ZNF653: variants seen among roughly 807,000 people sequenced by gnomAD.
ZNF653 encodes 67 kDa zinc finger protein.
A neutral mutation model predicts 59.9 loss-of-function variants in ZNF653; 37 were observed. The ratio of observed to expected loss-of-function variants is 0.62; its 90% confidence interval spans 0.48 to 0.81. The LOEUF is 0.81. Among genes scored for constraint, ZNF653 ranks in the 40% least tolerant of loss-of-function variants. The pLI is 0.00. For missense variants in ZNF653, 808 were observed against 881.1 expected (o/e 0.92, Z 1.05); for synonymous variants, 435 against 371.8 (o/e 1.17, Z -1.96).
Position 11,505,739 on chromosome 19 carries a change from C to G in ZNF653, c.48G>C (p.Ala16=), listed in dbSNP as rs1368855121. Residue 16 remains alanine, a synonymous_variant, in exon 1 of 9, where the codon GCG becomes GCC. Coordinates refer to ENST00000293771, the MANE Select transcript of ZNF653 (RefSeq NM_138783.4). ...CGGCTGCTGCCTCCCCGCCCGCGCCCGCCTCAGCCTCCGCCTCCGCCTCGG... is the reference window on the plus strand; with the variant it reads ...CGGCTGCTGCCTCCCCGCCCGCGCCGGCCTCAGCCTCCGCCTCCGCCTCGG... ...LEPEAEAEAE[A]GAGGEAAAEE... 2.1e-5 allele frequency: 30 copies of G among 1,449,314 alleles called. No individual in the cohort carries two copies. Among genetic ancestry groups the G allele is most frequent in the Non-Finnish European group, 2.4e-5 (27 of 1,111,322 alleles). 89.8% of individuals were successfully genotyped at this position (1,449,314 alleles called of 1,614,324 possible).
intron 7 of ZNF653, among the ~76,000 whole-genome samples, chr19:11,484,770 T>C (rs1971447412): frequency 1.3e-5 from 2 of 151,930 alleles, no homozygotes; most frequent in South Asian, 4.2e-4. Context: ...AAAAAACTTC[T>C]GCCCAGCACG....
In ZNF653 at chr19:11,487,463, C is replaced by G. The variant is rs549003396; in HGVS notation, c.1000G>C (p.Gly334Arg). 3 of 1,613,236 alleles carry G rather than the reference C, an allele frequency of 1.9e-6. No homozygotes were observed. The African/African-American group carries it at 4.0e-5, about 21-fold the overall frequency. ...GPGYDALTAE[G>R]IHLNMAAGSG... ...CCTGCTGCCATGTTGAGGTGAATGCCCTCGGCCGTGAGAGCGTCGTAACCA... is the reference window on the plus strand; with the variant it reads ...CCTGCTGCCATGTTGAGGTGAATGCGCTCGGCCGTGAGAGCGTCGTAACCA... Residue 334 changes from glycine to arginine, a missense_variant, in exon 4 of 9, where the codon GGC (glycine) becomes CGC (arginine). Coordinates refer to ENST00000293771, the MANE Select transcript of ZNF653 (RefSeq NM_138783.4). This position sits in a 1 kb window ranked among gnomAD's most constrained non-coding sequence, Gnocchi z 5.1.
intron 3 of ZNF653, among the ~76,000 whole-genome samples, chr19:11,488,786 T>C (rs1014608406): frequency 3.3e-5 from 5 of 151,236 alleles, no homozygotes; most frequent in African/African-American, 1.2e-4. Flanking sequence ...TTAGTAGAGA[T>C]GGAGTTTCAC....
intron 7 of ZNF653, among the ~76,000 whole-genome samples, chr19:11,484,852 G>A (rs952877304): frequency 7.9e-5 from 12 of 151,742 alleles, no homozygotes; most frequent in African/African-American, 2.9e-4. Flanking sequence ...AGGAGTTGGA[G>A]ACAAGCCTGG....
At chr19:11,483,901 GC>G in intron 8 of ZNF653, 42 bp from the exon 9 acceptor site, 1 of 1,501,162 alleles carries the variant, frequency 6.7e-7, no homozygotes, top group Non-Finnish European at 8.9e-7. Context: ...GTCAGAGTGG[GC>G]GGGGCGGGGC....
chr19:11,505,069 G>A, intron 1 of ZNF653: 1 of 173,506 alleles, frequency 5.8e-6, no homozygotes, highest in South Asian at 1.4e-4. Context: ...TTCAAGAAGG[G>A]CAGGGCTGAG....
rs532163095 is a variant in ZNF653, at chr19:11,502,753, G to A, written c.299+2735C>T. 5.3e-5 allele frequency among the ~76,000 whole-genome samples: 8 copies of A among 152,308 alleles called. No homozygotes were observed. The South Asian group carries it at 1.0e-3, about 20-fold the overall frequency. On this transcript the variant is annotated intron_variant, in intron 1 of 8. Transcript: ENST00000293771. ...TCTTTACATTTAAATCTGCAACCCC[G>A]CCGGGCGCAGTGGCTCACACCTGTA...
intron 7 of ZNF653, among the ~76,000 whole-genome samples, chr19:11,485,317 C>A (rs1971454300): frequency 6.6e-6 from 1 of 151,988 alleles, no homozygotes; most frequent in African/African-American, 2.4e-5. Flanking sequence ...CCTGTGGCCC[C>A]AGGTGCTGCT....
At chr19:11,488,546 A>G (rs1465657411) in intron 3 of ZNF653, among the ~76,000 whole-genome samples, 2 of 151,930 alleles carry the variant, frequency 1.3e-5, no homozygotes, top group East Asian at 3.9e-4. Flanking sequence ...TCAGCCTCCC[A>G]AAGTGTTAGA....
chr19:11,505,646 T>C lies in ZNF653; in HGVS notation c.141A>G (p.Arg47=). 1 of 1,498,092 alleles carries C rather than the reference T, an allele frequency of 6.7e-7. No individual in the cohort carries two copies. The highest frequency in any genetic ancestry group is 8.8e-7 in the Non-Finnish European group (1 of 1,131,034). The allele number at this position is 1,498,092 out of a possible 1,614,324, so 92.8% of individuals were successfully genotyped here. A position where few individuals can be genotyped will look rare whatever the true frequency, so the allele number is the denominator to read the frequency against. ...CGTACTTCTTCCGGGACTCGAGCCG[T>C]CGCCGGGCCCGGTCCGACTCCGTGA... ...PRLTESDRAR[R]RLESRKKYDV... Residue 47 remains arginine (R), a synonymous_variant, in exon 1 of 9, where the codon CGA becomes CGG. Transcript: ENST00000293771.
Position 11,505,588 on chromosome 19 carries a change from C to T in ZNF653, c.199G>A (p.Gly67Arg), listed in dbSNP as rs1273873717. The T allele has an allele frequency of 6.6e-7, 1 of 1,509,672 alleles. No homozygotes were observed. Among genetic ancestry groups the T allele is most frequent in the Admixed American group, 2.1e-5 (1 of 47,606 alleles). The allele number at this position is 1,509,672 out of a possible 1,614,324, so 93.5% of individuals were successfully genotyped here. Residue 67 changes from glycine to arginine, a missense_variant, in exon 1 of 9, where the codon GGG (glycine) becomes AGG (arginine). Transcript: ENST00000293771. Reference protein sequence around the residue: ...VRRVYLGEAHGPWVDLRRRSG... With the variant: ...VRRVYLGEAHRPWVDLRRRSG... ...CGGCGCCGCAGGTCCACCCAGGGCC[C>T]GTGCGCCTCGCCCAGGTACACGCGC... is the stretch of plus-strand genomic sequence containing the variant.
chr19:11,495,691 C>T lies in ZNF653; in HGVS notation c.559+259G>A. On this transcript the variant is annotated intron_variant, in intron 3 of 8. Transcript: ENST00000293771. The surrounding 1 kb of genome is among the most constrained non-coding windows in gnomAD (Gnocchi z 4.9). The stretch of plus-strand genomic sequence containing the variant: ...GCTCCTGGGCCCTCAGCCAGCCCTG[C>T]CTGGGACTGGCCTTGGGCACAGATT... 1 of 485,736 alleles carries T rather than the reference C, an allele frequency of 2.1e-6. No individual in the cohort carries two copies. The highest frequency in any genetic ancestry group is 2.1e-5 in the South Asian group (1 of 47,430). The allele number at this position is 485,736 out of a possible 1,614,324, so 30.1% of individuals were successfully genotyped here.
chr19:11,503,314 C>G (rs1396878902), intron 1 of ZNF653, among the ~76,000 whole-genome samples: 1 of 152,194 alleles, frequency 6.6e-6, no homozygotes, highest in East Asian at 1.9e-4. Context: ...GCTATTCCCT[C>G]TGCCTCAACT....
rs143334251 is a variant in ZNF653 at position 11,497,601 on chromosome 19, T to C, written c.343+695A>G. Among the ~76,000 whole-genome samples, 526 of 152,254 alleles carry C rather than the reference T, an allele frequency of 3.5e-3. 4 individuals are homozygous for C. The highest frequency in any genetic ancestry group is 0.012 in the African/African-American group (500 of 41,558). ...GCTGGGAAATGGTATCTGACTCTTG[T>C]GATGGTCCTGGTCCCTCAGCCAAGT... On this transcript the variant is annotated intron_variant, in intron 2 of 8. Transcript: ENST00000293771.
intron 1 of ZNF653, among the ~76,000 whole-genome samples, chr19:11,499,103 T>C (rs892303280): frequency 6.6e-6 from 1 of 152,184 alleles, no homozygotes; most frequent in Non-Finnish European, 1.5e-5. Context: ...CTCTCCCCAA[T>C]TGCCATCAGC....
chr19:11,505,475 C>T lies in ZNF653; in HGVS notation c.299+13G>A, dbSNP rs761421896. ...GTCTCCTCCCTCCCTCCCTCGGGGC[C>T]AGGCCCCCTCACCCGTGGCGGCCGC... On this transcript the variant is annotated intron_variant, in intron 1 of 8. Transcript: ENST00000293771. 1.2e-5 allele frequency: 18 copies of T among 1,465,068 alleles called. No homozygotes were observed. The highest frequency in any genetic ancestry group is 1.5e-5 in the Non-Finnish European group (17 of 1,120,744). 90.8% of individuals were successfully genotyped at this position (1,465,068 alleles called of 1,614,324 possible). A position where few individuals can be genotyped will look rare whatever the true frequency, so the allele number is the denominator to read the frequency against.
chr19:11,505,567 G>A lies in ZNF653; in HGVS notation c.220C>T (p.Arg74Cys), dbSNP rs1398730863. The A allele has an allele frequency of 2.0e-6, 3 of 1,513,458 alleles. No homozygotes were observed. Among genetic ancestry groups the A allele is most frequent in the South Asian group, 1.2e-5 (1 of 81,130 alleles). The allele number at this position is 1,513,458 out of a possible 1,614,324, so 93.8% of individuals were successfully genotyped here. The change falls in exon 1 of 9, where the codon CGC becomes TGC. Residue 74 changes from arginine to cysteine, a missense_variant. Coordinates refer to ENST00000293771, the MANE Select transcript of ZNF653 (RefSeq NM_138783.4). ...TTGGCGTCGCTCCAGCCGCTGCGGC[G>A]CCGCAGGTCCACCCAGGGCCCGTGC... is the stretch of plus-strand genomic sequence containing the variant. ...EAHGPWVDLR[R>C]RSGWSDAKLA...
intron 7 of ZNF653, 82 bp from the exon 8 acceptor site, chr19:11,484,223 GC>G: frequency 9.0e-7 from 1 of 1,112,090 alleles, no homozygotes. Flanking sequence ...GCTAGAAGGA[GC>G]ATCAGGCTGT....
At chr19:11,491,073 T>C (rs949085327) in intron 3 of ZNF653, among the ~76,000 whole-genome samples, 25 of 152,226 alleles carry the variant, frequency 1.6e-4, no homozygotes, top group South Asian at 4.1e-4. Context: ...CAGATGCTAG[T>C]TGCGGCCCCA....
Sources: allele counts gnomAD v4.1 joint callset (sites outside exome capture counted in the v4.1 genomes callset), GRCh38; gene constraint gnomAD v4.1.1; non-coding constraint Gnocchi (gnomAD v3.1); transcripts MANE v1.5; gene names NCBI Gene and HGNC (gene_info 2026-07-23, HGNC 2026-07-21).